HEG1: variants seen among roughly 807,000 people sequenced by gnomAD.
The protein encoded by HEG1 is heart development protein with EGF like domains 1.
A neutral mutation model predicts 125.6 loss-of-function variants in HEG1; 56 were observed. The observed-to-expected ratio is 0.45, with a 90% CI of 0.36 to 0.56. The LOEUF is 0.56. Ranked by LOEUF, HEG1 falls within the 20% of genes least tolerant of loss-of-function variation. The pLI is 0.00. For synonymous variants in HEG1, 644 were observed against 668.5 expected (o/e 0.96, Z 0.57); for missense variants, 1,523 against 1,670.0 (o/e 0.91, Z 1.53).
chr3:125,042,110 A>G (rs1489086509), intron 1 of HEG1, among the ~76,000 whole-genome samples: 1 of 152,226 alleles, frequency 6.6e-6, no homozygotes, highest in Non-Finnish European at 1.5e-5. Context: ...TATGTTGTGC[A>G]TATTTTACTA....
chr3:125,019,454 A>G lies in HEG1; in HGVS notation c.1396T>C (p.Ser466Pro). Residue 466 changes from serine to proline, a missense_variant, in exon 5 of 17, where the codon TCT (serine) becomes CCT (proline). Ser to Pro is a moderately conservative substitution (Grantham distance 74). Coordinates refer to ENST00000311127, the MANE Select transcript of HEG1 (RefSeq NM_020733.2). ...GCAGAGCTTCCTGTCACATCTGCAG[A>G]TGTTGTGCTGTTGGTCAAGAGCCAG... ...AHWLLTNSTT[S>P]ADVTGSSASY... is the part of the protein sequence containing the mutation. 6.2e-7 allele frequency: 1 copy of G among 1,614,018 alleles called. No individual in the cohort carries two copies. Among genetic ancestry groups the G allele is most frequent in the African/African-American group, 1.3e-5 (1 of 75,058 alleles).
chr3:125,046,838 C>T (rs188488201), intron 1 of HEG1, among the ~76,000 whole-genome samples: 91 of 152,314 alleles, frequency 6.0e-4, no homozygotes, highest in African/African-American at 2.1e-3. Flanking sequence ...TTGTGAAGCA[C>T]GTATTGATAA....
rs1936488229 is a variant in HEG1 at position 124,973,828 on chromosome 3, T to C, written c.3899A>G (p.Lys1300Arg). Residue 1300 changes from lysine (K) to arginine (R), a missense_variant, in exon 16 of 17, where the codon AAA (lysine) becomes AGA (arginine). Lys to Arg is a conservative substitution (Grantham distance 26, BLOSUM62 2). Coordinates refer to ENST00000311127, the MANE Select transcript of HEG1 (RefSeq NM_020733.2). ...FQMSPYAEYP[K>R]NPRSQEWGRE... Reference sequence around the variant, plus strand: ...GCCCCATTCTTGTGAGCGAGGATTTTTGGGGTATTCAGCATACGGGGACAT... The same window carrying C: ...GCCCCATTCTTGTGAGCGAGGATTTCTGGGGTATTCAGCATACGGGGACAT... 1.2e-6 allele frequency: 2 copies of C among 1,613,672 alleles called. No homozygotes were observed. Among genetic ancestry groups the C allele is most frequent in the Non-Finnish European group, 1.7e-6 (2 of 1,179,704 alleles).
intron 5 of HEG1, among the ~76,000 whole-genome samples, chr3:125,018,060 C>A (rs1188353705): frequency 6.6e-6 from 1 of 151,874 alleles, no homozygotes; most frequent in Non-Finnish European, 1.5e-5. Context: ...AAATTTACGA[C>A]CACATATACA....
At chr3:124,990,003 C>T (rs983269392) in intron 14 of HEG1, among the ~76,000 whole-genome samples, 1 of 152,176 alleles carries the variant, frequency 6.6e-6, no homozygotes, top group African/African-American at 2.4e-5. Flanking sequence ...CACACTGTCC[C>T]CAGAACACCA....
intron 5 of HEG1, among the ~76,000 whole-genome samples, chr3:125,016,851 T>C (rs1207411823): frequency 6.6e-6 from 1 of 152,192 alleles, no homozygotes; most frequent in Non-Finnish European, 1.5e-5. Flanking sequence ...ACTGTGAGAA[T>C]TGTTTTAAAA....
In HEG1 at chr3:124,969,021, C is replaced by T. The variant is rs1444218717; in HGVS notation, c.*1631G>A. The T allele has an allele frequency of 6.6e-6, 1 of 152,194 alleles. No homozygotes were observed. Among genetic ancestry groups the T allele is most frequent in the Non-Finnish European group, 1.5e-5 (1 of 68,060 alleles). The allele number at this position is 152,194 out of a possible 1,614,324, so 9.4% of individuals were successfully genotyped here. A position where few individuals can be genotyped will look rare whatever the true frequency, so the allele number is the denominator to read the frequency against. On this transcript the variant is annotated 3_prime_UTR_variant, in exon 17 of 17. Transcript: ENST00000311127. ...GGGACACAGGAGTTCTTGCTTAAAA[C>T]CATCAGGGCCAAGGATTATGTAAGA...
chr3:124,977,179 T>C (rs1358430461), intron 15 of HEG1, among the ~76,000 whole-genome samples: 1 of 152,208 alleles, frequency 6.6e-6, no homozygotes, highest in African/African-American at 2.4e-5. Flanking sequence ...TTGCTCCTCT[T>C]TGCCTTCCAC....
chr3:125,023,470 T>C (rs993441846), intron 3 of HEG1, among the ~76,000 whole-genome samples: 1 of 152,232 alleles, frequency 6.6e-6, no homozygotes, highest in Non-Finnish European at 1.5e-5. Flanking sequence ...TACCATTTAC[T>C]GACCAATTAT....
In HEG1 at chr3:124,966,794, A is replaced by G. The variant is rs1239763434; in HGVS notation, c.*3858T>C. On this transcript the variant is annotated 3_prime_UTR_variant, in exon 17 of 17. Coordinates refer to ENST00000311127, the MANE Select transcript of HEG1 (RefSeq NM_020733.2). ...GCTCCTCTTCCTCAGGCAGAGTTAA[A>G]TCGGCTTACAGGACACCCGGGCATC... is the stretch of plus-strand genomic sequence containing the variant. The G allele has an allele frequency of 6.6e-6, 1 of 152,252 alleles. No individual in the cohort carries two copies. The highest frequency in any genetic ancestry group is 1.5e-5 in the Non-Finnish European group (1 of 68,074). 9.4% of individuals were successfully genotyped at this position (152,252 alleles called of 1,614,324 possible). A position where few individuals can be genotyped will look rare whatever the true frequency, so the allele number is the denominator to read the frequency against.
rs140560222 is a variant in HEG1, at chr3:125,019,069, T to C, written c.1588+193A>G. On this transcript the variant is annotated intron_variant, in intron 5 of 16. Transcript: ENST00000311127. The stretch of plus-strand genomic sequence containing the variant: ...TGTTAGTAGAGACAGGGTTTCACCA[T>C]GTAGGTCAGTCAGGTCTTGAACCCC... Among the ~76,000 whole-genome samples the C allele has an allele frequency of 3.2e-4, 48 of 152,210 alleles. No homozygotes were observed. In the East Asian group the frequency reaches 9.1e-3, roughly 29 times the overall value.
chr3:125,045,567 C>T (rs147892244), intron 1 of HEG1, among the ~76,000 whole-genome samples: 1 of 152,298 alleles, frequency 6.6e-6, no homozygotes, highest in Non-Finnish European at 1.5e-5. Flanking sequence ...AAGCGTTAGC[C>T]ATGGCAATCA....
chr3:124,980,730 GC>G (rs978552355), intron 14 of HEG1, among the ~76,000 whole-genome samples: 5 of 152,132 alleles, frequency 3.3e-5, no homozygotes, highest in East Asian at 1.9e-4. Flanking sequence ...TGTTGGCCAG[GC>G]TGGTCTCAAA....
At chr3:125,018,294 A>C (rs1643960651) in intron 5 of HEG1, among the ~76,000 whole-genome samples, 1 of 152,220 alleles carries the variant, frequency 6.6e-6, no homozygotes, top group Non-Finnish European at 1.5e-5. Flanking sequence ...GTATGATTTC[A>C]TTTATAGGAA....
At chr3:125,041,268 A>G (rs1237330683) in intron 1 of HEG1, among the ~76,000 whole-genome samples, 3 of 152,140 alleles carry the variant, frequency 2.0e-5, no homozygotes, top group Non-Finnish European at 4.4e-5. Flanking sequence ...TCCCTCTCCA[A>G]AGGTGACCAC....
rs775877355 is a variant in HEG1 at position 124,970,765 on chromosome 3, C to T, written c.4033G>A (p.Gly1345Arg). 17 of 1,610,188 alleles carry T rather than the reference C, an allele frequency of 1.1e-5. No individual in the cohort carries two copies. Among genetic ancestry groups the T allele is most frequent in the East Asian group, 2.2e-5 (1 of 44,816 alleles). The change falls in exon 17 of 17, where the codon GGA becomes AGA. Residue 1345 changes from glycine to arginine, a missense_variant. Physicochemically the swap from Gly to Arg is moderately radical, Grantham distance 125 (BLOSUM62 -2). Coordinates refer to ENST00000311127, the MANE Select transcript of HEG1 (RefSeq NM_020733.2). The part of the protein sequence containing the change: ...SVRNPELERN[G>R]LYPAYTGLPG... ...AGTCCAGTGTAGGCCGGGTAGAGTCCGTTTCGTTCAAGTTCTGGATTCCTT... is the reference window on the plus strand; with the variant it reads ...AGTCCAGTGTAGGCCGGGTAGAGTCTGTTTCGTTCAAGTTCTGGATTCCTT...
rs528833591 is a variant in HEG1, at chr3:125,001,863, C to T, written c.3506G>A (p.Arg1169Gln). The T allele has an allele frequency of 6.6e-5, 107 of 1,612,748 alleles. 4 individuals are homozygous for T. In the South Asian group the frequency reaches 9.8e-4, roughly 15 times the overall value. The change falls in exon 11 of 17, where the codon CGG becomes CAG. Residue 1169 changes from arginine (R) to glutamine (Q), a missense_variant. Physicochemically the swap from Arg to Gln is conservative, Grantham distance 43 (BLOSUM62 1). Transcript: ENST00000311127. ...GGCTGCCCTCTTACCTCTAAAGATC[C>T]GCCTCTGAGATCCCAAGAGCTGGCA... ...EVCQLLGSQR[R>Q]IFRAGSLCKR...
intron 1 of HEG1, among the ~76,000 whole-genome samples, chr3:125,051,894 A>T (rs886228174): frequency 1.3e-5 from 2 of 152,110 alleles, no homozygotes; most frequent in African/African-American, 4.8e-5. Context: ...GGAAGGCAGG[A>T]GGGATCACCA....
chr3:125,028,070 A>G (rs908309653), intron 2 of HEG1, among the ~76,000 whole-genome samples: 11 of 151,314 alleles, frequency 7.3e-5, no homozygotes, highest in African/African-American at 2.7e-4. Flanking sequence ...AGGTCCTATC[A>G]CTTTTCCTTG....
Sources: allele counts gnomAD v4.1 joint callset (sites outside exome capture counted in the v4.1 genomes callset), GRCh38; gene constraint gnomAD v4.1.1; transcripts MANE v1.5; gene names NCBI Gene and HGNC (gene_info 2026-07-23, HGNC 2026-07-21).